Variants in SAMD5 observed in about 807,000 individuals in gnomAD.
SAMD5 encodes sterile alpha motif domain containing 5, also known as sterile alpha motif domain-containing protein 5.
In SAMD5, 13 loss-of-function variants were observed where a neutral mutation model predicts 11.3. The ratio of observed to expected loss-of-function variants is 1.15; its 90% CI spans 0.75 to 1.83. The LOEUF is 1.83. Among genes scored for constraint, SAMD5 ranks in the 40% most tolerant of loss-of-function variants. SAMD5 has a pLI of 0.00. For synonymous variants in SAMD5, 129 were observed against 111.3 expected, an observed-to-expected ratio of 1.16 and a Z score of -1.00; for missense variants, 255 against 239.1, an observed-to-expected ratio of 1.07 and a Z score of -0.44.
chr6:147,609,580 C>T (rs1789751245), intron 1 of SAMD5, among the ~76,000 whole-genome samples: 1 of 152,142 alleles, frequency 6.6e-6, no homozygotes, highest in South Asian at 2.1e-4. Flanking sequence ...GACGGAATCT[C>T]ACCCTGTCGC....
At chr6:147,793,271 C>T in the SAMD5 span, among the ~76,000 whole-genome samples, 2 of 152,110 alleles carry the variant, frequency 1.3e-5, no homozygotes, top group African/African-American at 4.8e-5. Context: ...ATGAGAAAAA[C>T]ATCAGATAAA....
rs145126753 is a variant in SAMD5, at chr6:147,615,778, G to A, written c.162+106391G>A. On this transcript the variant is annotated intron_variant, in intron 1 of 1. Coordinates refer to the SAMD5 transcript ENST00000566741. Reference sequence around the variant, plus strand: ...CAGAGTGGTAAGAAAATATTGGCTGGAATGATTTAACTGAAATGTTTGCAG... The same window carrying A: ...CAGAGTGGTAAGAAAATATTGGCTGAAATGATTTAACTGAAATGTTTGCAG... Among the ~76,000 whole-genome samples, 865 of 152,306 alleles carry A rather than the reference G, an allele frequency of 5.7e-3. 3 individuals carry two copies. Among genetic ancestry groups the A allele is most frequent in the Middle Eastern group, 0.027 (8 of 294 alleles).
the SAMD5 span, among the ~76,000 whole-genome samples, chr6:147,811,884 C>T: frequency 1.3e-5 from 2 of 152,166 alleles, no homozygotes; most frequent in Non-Finnish European, 2.9e-5. Flanking sequence ...CAACAAACAT[C>T]TCCTTTCCAG....
chr6:147,694,999 A>G (rs1791155754), intron 1 of SAMD5, among the ~76,000 whole-genome samples: 1 of 152,208 alleles, frequency 6.6e-6, no homozygotes, highest in African/African-American at 2.4e-5. Context: ...ACAGCCCATA[A>G]TATGAAAGTC....
At chr6:147,759,119 G>C in the SAMD5 span, among the ~76,000 whole-genome samples, 3 of 152,160 alleles carry the variant, frequency 2.0e-5, no homozygotes, top group African/African-American at 7.2e-5. Flanking sequence ...GTTGTGTTCT[G>C]TTTACATATG....
chr6:147,747,396 G>A, the SAMD5 span, among the ~76,000 whole-genome samples: 11 of 152,316 alleles, frequency 7.2e-5, no homozygotes, highest in African/African-American at 2.6e-4. Flanking sequence ...TGAATTAAAT[G>A]GGGATGGTGA....
At chr6:147,873,850 T>C in the SAMD5 span, among the ~76,000 whole-genome samples, 1 of 152,210 alleles carries the variant, frequency 6.6e-6, no homozygotes, top group East Asian at 1.9e-4. Context: ...ATTCTTTTAA[T>C]GTCCTATATA....
chr6:147,900,991 T>C, the SAMD5 span, among the ~76,000 whole-genome samples: 1 of 152,326 alleles, frequency 6.6e-6, no homozygotes, highest in South Asian at 2.1e-4. Flanking sequence ...TAAATAAGCA[T>C]ATTCATATGC....
At chr6:147,888,545 T>G in the SAMD5 span, among the ~76,000 whole-genome samples, 2 of 150,754 alleles carry the variant, frequency 1.3e-5, no homozygotes, top group African/African-American at 4.9e-5. Flanking sequence ...CATACTTATT[T>G]TTGTTCATTG....
rs777888635 is a variant in SAMD5, at chr6:147,568,448, A to G, written c.*3992A>G. The G allele has an allele frequency of 1.0e-5, 10 of 985,250 alleles. No individual in the cohort carries two copies. The highest frequency in any genetic ancestry group is 1.2e-4 in the Admixed American group (2 of 16,266). 61.0% of individuals were successfully genotyped at this position (985,250 alleles called of 1,614,324 possible). A position where few individuals can be genotyped will look rare whatever the true frequency, so the allele number is the denominator to read the frequency against. Reference sequence around the variant, plus strand: ...TTTGATTAGGTATCAAAATAGGTTTAGGCAGGTGGAAGTTCTGAATTTCAA... The same window carrying G: ...TTTGATTAGGTATCAAAATAGGTTTGGGCAGGTGGAAGTTCTGAATTTCAA... On this transcript the variant is annotated 3_prime_UTR_variant, in exon 2 of 2. Transcript: ENST00000367474.
chr6:147,595,522 C>CTTTTTTTTTTT (rs770537446), intron 1 of SAMD5, among the ~76,000 whole-genome samples: 2 of 106,628 alleles, frequency 1.9e-5, no homozygotes, highest in African/African-American at 8.7e-5. Flanking sequence ...ACTAAACTAC[C>CTTTTTTTTTTT]TTTTTTTTTT....
the SAMD5 span, among the ~76,000 whole-genome samples, chr6:147,803,874 C>T: frequency 6.6e-6 from 1 of 152,172 alleles, no homozygotes; most frequent in Admixed American, 6.5e-5. Context: ...CCTCCATCCA[C>T]AGCCAGCTCC....
intron 1 of SAMD5, among the ~76,000 whole-genome samples, chr6:147,559,449 T>A (rs950075278): frequency 2.6e-5 from 4 of 152,206 alleles, no homozygotes; most frequent in Non-Finnish European, 5.9e-5. Context: ...GCCTCTCCAC[T>A]ATACTTTTCA....
At chr6:147,954,574 A>G in the SAMD5 span, among the ~76,000 whole-genome samples, 1 of 152,024 alleles carries the variant, frequency 6.6e-6, no homozygotes, top group South Asian at 2.1e-4. Context: ...GACTCAGCCA[A>G]AGTAACTTCC....
the SAMD5 span, among the ~76,000 whole-genome samples, chr6:147,797,031 C>A: frequency 7.9e-6 from 1 of 126,648 alleles, no homozygotes; most frequent in South Asian, 2.8e-4. Context: ...AATTTGACTT[C>A]CTCTTTTCCT....
the SAMD5 span, among the ~76,000 whole-genome samples, chr6:147,948,975 A>G: frequency 6.6e-6 from 1 of 152,218 alleles, no homozygotes; most frequent in African/African-American, 2.4e-5. Flanking sequence ...TAAAAAGATC[A>G]GAAAACAGGA....
At chr6:147,787,294 C>T in the SAMD5 span, among the ~76,000 whole-genome samples, 4 of 152,126 alleles carry the variant, frequency 2.6e-5, 1 homozygote, top group Admixed American at 2.6e-4. Flanking sequence ...AGGACAGTGC[C>T]TCTAGATAGC....
At chr6:147,911,418 C>G in the SAMD5 span, among the ~76,000 whole-genome samples, 1 of 152,134 alleles carries the variant, frequency 6.6e-6, no homozygotes, top group Non-Finnish European at 1.5e-5. Flanking sequence ...ACTGAAGATT[C>G]GGCTCCTCTT....
intron 1 of SAMD5, among the ~76,000 whole-genome samples, chr6:147,516,469 C>T (rs1018822348): frequency 7.2e-5 from 11 of 152,070 alleles, no homozygotes; most frequent in African/African-American, 1.9e-4. Flanking sequence ...TAGTGATTAC[C>T]ACATAGGGTT....
Sources: allele counts gnomAD v4.1 joint callset (sites outside exome capture counted in the v4.1 genomes callset), GRCh38; gene constraint gnomAD v4.1.1; transcripts MANE v1.5; gene names NCBI Gene and HGNC (gene_info 2026-07-23, HGNC 2026-07-21).